The following CNTN5 variants were observed in gnomAD, a reference collection of about 807,000 sequenced individuals.
CNTN5 encodes the protein contactin-5.
In CNTN5, 77 loss-of-function variants were observed where a neutral mutation model predicts 129.1. The observed-to-expected ratio is 0.60, with a 90% CI of 0.50 to 0.72. The LOEUF (loss-of-function observed/expected upper bound fraction) is 0.72, where lower values mean the gene tolerates loss of function less well. Ranked by LOEUF, CNTN5 falls within the 30% of genes least tolerant of loss-of-function variation. CNTN5 has a pLI of 0.00. For synonymous variants in CNTN5, 509 were observed against 465.6 expected, an observed-to-expected ratio of 1.09 and a Z score of -1.20; for missense variants, 1,478 against 1,328.8, an observed-to-expected ratio of 1.11 and a Z score of -1.75.
chr11:99,314,952 G>C lies in CNTN5; in HGVS notation c.-209-10394G>C, dbSNP rs934264161. On this transcript the variant is annotated intron_variant, in intron 1 of 24. Transcript: ENST00000524871. ...GCATATTCTTATTCAGTAGCTCTGT[G>C]GGTGGGGGGACGGGGTGTTGACATT... is the stretch of plus-strand genomic sequence containing the variant. Among the ~76,000 whole-genome samples, 10 of 148,584 alleles carry C rather than the reference G, an allele frequency of 6.7e-5. 1 individual carries two copies. Among genetic ancestry groups the C allele is most frequent in the Non-Finnish European group, 1.4e-4 (9 of 66,302 alleles).
intron 6 of CNTN5, among the ~76,000 whole-genome samples, chr11:99,864,101 A>T (rs1948290146): frequency 6.6e-6 from 1 of 152,150 alleles, no homozygotes; most frequent in African/African-American, 2.4e-5. Flanking sequence ...TCTGGTGCAT[A>T]TTGTTAATGC....
intron 3 of CNTN5, among the ~76,000 whole-genome samples, chr11:99,761,450 G>A (rs1197635373): frequency 2.0e-5 from 3 of 151,876 alleles, no homozygotes; most frequent in Non-Finnish European, 2.9e-5. Context: ...AGAGTGTGAT[G>A]TTCCCCTTCG....
At chr11:99,529,845 GA>G (rs1231205132) in intron 2 of CNTN5, among the ~76,000 whole-genome samples, 7 of 151,832 alleles carry the variant, frequency 4.6e-5, no homozygotes, top group East Asian at 1.9e-4. Flanking sequence ...GTATGGAAAA[GA>G]AAAAATATGA....
At chr11:100,157,726 T>C (rs1464453745) in intron 13 of CNTN5, among the ~76,000 whole-genome samples, 1 of 151,770 alleles carries the variant, frequency 6.6e-6, no homozygotes, top group Non-Finnish European at 1.5e-5. Flanking sequence ...AGAATTTAAA[T>C]AAAATACTGA....
intron 6 of CNTN5, among the ~76,000 whole-genome samples, chr11:99,888,926 T>G (rs1948971840): frequency 6.6e-6 from 1 of 152,196 alleles, no homozygotes. Flanking sequence ...GCTCACAGTT[T>G]TGAGTTGTCA....
At chr11:100,131,517 A>G (rs1277158230) in intron 13 of CNTN5, among the ~76,000 whole-genome samples, 2 of 152,030 alleles carry the variant, frequency 1.3e-5, no homozygotes, top group Non-Finnish European at 2.9e-5. Context: ...TTGGGGGGAA[A>G]CTGACACAAA....
intron 3 of CNTN5, among the ~76,000 whole-genome samples, chr11:99,812,889 CT>C (rs907814857): frequency 1.1e-4 from 16 of 151,218 alleles, no homozygotes; most frequent in African/African-American, 3.9e-4. Context: ...AGGCACTCTG[CT>C]TTTTTTTTCT....
At chr11:99,164,171 C>CA (rs879894795) in intron 1 of CNTN5, among the ~76,000 whole-genome samples, 2 of 151,640 alleles carry the variant, frequency 1.3e-5, no homozygotes, top group African/African-American at 2.4e-5. Flanking sequence ...ACTAAAAATA[C>CA]AAAAATTAAC....
At chr11:99,843,293 T>C (rs556606993) in intron 4 of CNTN5, among the ~76,000 whole-genome samples, 4 of 152,320 alleles carry the variant, frequency 2.6e-5, no homozygotes, top group Admixed American at 2.6e-4. Flanking sequence ...TACATGCTCA[T>C]AGTGACTGCT....
chr11:99,742,455 A>G (rs1943916396), intron 3 of CNTN5, among the ~76,000 whole-genome samples: 1 of 152,148 alleles, frequency 6.6e-6, no homozygotes, highest in Non-Finnish European at 1.5e-5. Context: ...TTGTCAAATC[A>G]TTTAATATTT....
intron 3 of CNTN5, among the ~76,000 whole-genome samples, chr11:99,666,371 T>A (rs1036573122): frequency 1.3e-5 from 2 of 152,192 alleles, no homozygotes; most frequent in Admixed American, 1.3e-4. Flanking sequence ...TCTTCTTGAC[T>A]TTTTAGCTGG....
intron 1 of CNTN5, among the ~76,000 whole-genome samples, chr11:99,224,083 T>C (rs1279291505): frequency 6.6e-6 from 1 of 152,124 alleles, no homozygotes; most frequent in African/African-American, 2.4e-5. Context: ...CCCATCACAA[T>C]TGGAACAATA....
At chr11:99,979,850 T>G (rs1938222896) in intron 8 of CNTN5, among the ~76,000 whole-genome samples, 1 of 152,170 alleles carries the variant, frequency 6.6e-6, no homozygotes, top group Non-Finnish European at 1.5e-5. Flanking sequence ...GAGAAGAGCA[T>G]GGACTCTGAA....
chr11:99,173,069 C>T (rs1857609432), intron 1 of CNTN5, among the ~76,000 whole-genome samples: 1 of 152,142 alleles, frequency 6.6e-6, no homozygotes, highest in African/African-American at 2.4e-5. Flanking sequence ...TTAAAACCAT[C>T]AGATCTTGTG....
chr11:99,037,308 T>C lies in CNTN5; in HGVS notation c.-210+16038T>C, dbSNP rs560610028. On this transcript the variant is annotated intron_variant, in intron 1 of 24. Transcript: ENST00000524871. The stretch of plus-strand genomic sequence containing the variant: ...ATCTTTCAGAGACTCAAGCTTGTCA[T>C]GTCATTTCTTTGCTCTAAAAGCTTT... 3.3e-3 allele frequency among the ~76,000 whole-genome samples: 505 copies of C among 152,266 alleles called. 2 individuals are homozygous for C. The highest frequency in any genetic ancestry group is 0.012 in the African/African-American group (485 of 41,570).
At chr11:99,554,335 A>G (rs1306959320) in intron 2 of CNTN5, among the ~76,000 whole-genome samples, 3 of 152,086 alleles carry the variant, frequency 2.0e-5, no homozygotes, top group African/African-American at 7.2e-5. Flanking sequence ...TTCTTTATCT[A>G]AGACCAATAA....
intron 1 of CNTN5, among the ~76,000 whole-genome samples, chr11:99,143,861 C>G (rs1386190635): frequency 2.0e-5 from 3 of 152,032 alleles, no homozygotes; most frequent in African/African-American, 4.8e-5. Flanking sequence ...TGTTTTAGAG[C>G]TAAGAGGAGG....
chr11:99,483,092 C>T (rs1325388368), intron 2 of CNTN5, among the ~76,000 whole-genome samples: 5 of 131,576 alleles, frequency 3.8e-5, no homozygotes, highest in Admixed American at 9.2e-5. Flanking sequence ...AGGAGAATGG[C>T]GTGAACCCGG....
chr11:99,572,128 T>C (rs552895677), intron 3 of CNTN5, among the ~76,000 whole-genome samples: 1 of 152,316 alleles, frequency 6.6e-6, no homozygotes, highest in South Asian at 2.1e-4. Flanking sequence ...GTTTGTTATA[T>C]GTAAGCCATT....
Sources: gnomAD v4.1 joint callset for allele counts (sites outside exome capture counted in the v4.1 genomes callset) on GRCh38, gnomAD v4.1.1 for gene constraint, MANE v1.5 for transcripts, NCBI Gene and HGNC (gene_info 2026-07-23, HGNC 2026-07-21) for gene names.